TTC21B: variants seen among roughly 807,000 people sequenced by gnomAD.
TTC21B encodes the protein tetratricopeptide repeat domain 21B.
Under a neutral mutation model 175.1 loss-of-function variants are expected in TTC21B, and 127 were observed. That is an observed-to-expected ratio of 0.73 (90% CI 0.63 to 0.84). TTC21B has a LOEUF of 0.84. Ranked by LOEUF, TTC21B falls within the 40% of genes least tolerant of loss-of-function variation. TTC21B has a pLI of 0.00. For missense variants in TTC21B, 1,561 were observed against 1,558.3 expected (o/e 1.00, Z -0.03); for synonymous variants, 524 against 524.5 (o/e 1.00, Z 0.01).
At chr2:165,891,044 G>A in intron 22 of TTC21B, 56 bp from the exon 23 acceptor site, 1 of 1,429,776 alleles carries the variant, frequency 7.0e-7, no homozygotes, top group Non-Finnish European at 9.8e-7. Context: ...TTCTTTTGTT[G>A]GTTATAATTC....
At chr2:165,943,384 A>C (rs759654295) in intron 4 of TTC21B, 43 bp from the exon 5 acceptor site, 1 of 1,435,850 alleles carries the variant, frequency 7.0e-7, no homozygotes. Flanking sequence ...TAGAAATGAG[A>C]GAAATAAATG....
chr2:165,933,704 C>A (rs1436341958), intron 6 of TTC21B, among the ~76,000 whole-genome samples: 1 of 152,146 alleles, frequency 6.6e-6, no homozygotes. Context: ...TTTTTCAACC[C>A]TCCCTGAGTA....
chr2:165,874,724 T>C lies in TTC21B; in HGVS notation c.*31A>G, dbSNP rs748456308. ...TGAAAGTTAGATTTCTTTCATTTCC[T>C]GTTAAACCAACACCTAAGTTAAAAT... On this transcript the variant is annotated 3_prime_UTR_variant, in exon 29 of 29. Coordinates refer to ENST00000243344, the MANE Select transcript of TTC21B (RefSeq NM_024753.5). The C allele has an allele frequency of 5.7e-6, 9 of 1,589,358 alleles. No individual in the cohort carries two copies. The South Asian group carries it at 7.7e-5, about 14-fold the overall frequency.
chr2:165,917,565 G>C (rs1426352354), intron 13 of TTC21B, 84 bp from the exon 14 acceptor site: 1 of 1,092,664 alleles, frequency 9.2e-7, no homozygotes, highest in African/African-American at 1.5e-5. Context: ...AAAATAATGA[G>C]ATCACTGAGA....
intron 12 of TTC21B, among the ~76,000 whole-genome samples, chr2:165,921,824 A>T (rs1457558589): frequency 1.1e-4 from 14 of 132,966 alleles, no homozygotes; most frequent in African/African-American, 1.4e-4. Flanking sequence ...AAATTTTCTT[A>T]ATCTTTTTTT....
chr2:165,935,821 A>C (rs948954620), intron 6 of TTC21B, among the ~76,000 whole-genome samples: 1 of 152,190 alleles, frequency 6.6e-6, no homozygotes, highest in Non-Finnish European at 1.5e-5. Context: ...TCAAGGAAAA[A>C]CCAAATAAAC....
intron 8 of TTC21B, among the ~76,000 whole-genome samples, chr2:165,930,732 G>GGGGT (rs376602791): frequency 2.7e-5 from 3 of 110,920 alleles, no homozygotes; most frequent in African/African-American, 9.2e-5. Context: ...TGGGTATGGG[G>GGGGT]GTGTGTGTGT....
intron 24 of TTC21B, 92 bp from the exon 25 acceptor site, chr2:165,888,566 G>A: frequency 2.0e-6 from 2 of 980,744 alleles, no homozygotes; most frequent in Non-Finnish European, 3.1e-6. Flanking sequence ...AAAGCTCTGG[G>A]CACTCTTTTA....
In TTC21B at chr2:165,891,082, T is replaced by C. The variant is rs568394405; in HGVS notation, c.2951-94A>G. ...CTTCATTAGAGTATAATTTACTTCA[T>C]ATAAAGTACATTTTAAATATAAATA... is the stretch of plus-strand genomic sequence containing the variant. On this transcript the variant is annotated intron_variant, in intron 22 of 28. Coordinates refer to ENST00000243344, the MANE Select transcript of TTC21B (RefSeq NM_024753.5). 272 of 1,090,840 alleles carry C rather than the reference T, an allele frequency of 2.5e-4. No homozygotes were observed. The African/African-American group carries it at 3.4e-3, about 14-fold the overall frequency. 67.6% of individuals were successfully genotyped at this position (1,090,840 alleles called of 1,614,324 possible). A position where few individuals can be genotyped will look rare whatever the true frequency, so the allele number is the denominator to read the frequency against.
Position 165,913,580 on chromosome 2 carries a change from A to C in TTC21B, c.2205T>G (p.Ile735Met). The C allele has an allele frequency of 6.2e-7, 1 of 1,610,650 alleles. No individual in the cohort carries two copies. Among genetic ancestry groups the C allele is most frequent in the Non-Finnish European group, 8.5e-7 (1 of 1,177,248 alleles). The change falls in exon 16 of 29, where the codon ATT becomes ATG. Residue 735 changes from isoleucine (I) to methionine (M), a missense_variant. By Grantham distance (10) the Ile-to-Met change is conservative. Coordinates refer to ENST00000243344, the MANE Select transcript of TTC21B (RefSeq NM_024753.5). ...GTAACATCAGAAATTTTACCTCTAG[A>C]ATATTCATGTATGCATCACCAAGGA... ...FLLLGDAYMN[I>M]LEPEEAIVAY...
At chr2:165,950,416 G>A (rs1438135139) in intron 1 of TTC21B, among the ~76,000 whole-genome samples, 1 of 152,116 alleles carries the variant, frequency 6.6e-6, no homozygotes, top group South Asian at 2.1e-4. Context: ...CTACGATTAT[G>A]TCTAAGGCTT....
chr2:165,902,981 C>T (rs1685617538), intron 19 of TTC21B, among the ~76,000 whole-genome samples: 1 of 152,194 alleles, frequency 6.6e-6, no homozygotes, highest in Non-Finnish European at 1.5e-5. Flanking sequence ...CACAAGTTTC[C>T]AGGCAGCAGC....
intron 7 of TTC21B, among the ~76,000 whole-genome samples, chr2:165,932,664 C>T (rs1355294515): frequency 6.6e-6 from 1 of 151,818 alleles, no homozygotes; most frequent in African/African-American, 2.4e-5. Context: ...CATTACGTAT[C>T]TAGTTACATT....
chr2:165,936,743 A>T (rs1056046452), intron 6 of TTC21B, among the ~76,000 whole-genome samples: 2 of 152,222 alleles, frequency 1.3e-5, no homozygotes, highest in Admixed American at 1.3e-4. Flanking sequence ...AATAACAATG[A>T]GATACCACTA....
intron 1 of TTC21B, 52 bp downstream of exon 1, chr2:165,953,633 A>G (rs1322729339): frequency 7.1e-7 from 1 of 1,405,894 alleles, no homozygotes. Flanking sequence ...AAAGGCCGCA[A>G]AGGAACTCCG....
In TTC21B at chr2:165,927,146, T is replaced by TTA. The variant is rs566900940; in HGVS notation, c.1386+1987_1386+1988dup. Among the ~76,000 whole-genome samples the TTA allele has an allele frequency of 1.2e-4, 6 of 50,324 alleles. 1 individual carries two copies. Among genetic ancestry groups the TTA allele is most frequent in the African/African-American group, 4.3e-4 (6 of 14,042 alleles). 33.0% of individuals were successfully genotyped at this position (50,324 alleles called of 152,430 possible). A position where few individuals can be genotyped will look rare whatever the true frequency, so the allele number is the denominator to read the frequency against. ...TATATATATATATATATCCTAGTAG[T>TTA]TATATATATATATATATCCTAACAG... is the stretch of plus-strand genomic sequence containing the variant. On this transcript the variant is annotated intron_variant, in intron 11 of 28. Coordinates refer to ENST00000243344, the MANE Select transcript of TTC21B (RefSeq NM_024753.5).
intron 7 of TTC21B, 87 bp from the exon 8 acceptor site, chr2:165,931,943 C>T (rs1476132898): frequency 1.2e-6 from 1 of 860,808 alleles, no homozygotes; most frequent in Non-Finnish European, 1.9e-6. Context: ...AAAGCATTAC[C>T]CTACTAGTAT....
intron 21 of TTC21B, 42 bp from the exon 22 acceptor site, chr2:165,898,809 T>C: frequency 1.7e-6 from 2 of 1,186,454 alleles, no homozygotes; most frequent in Non-Finnish European, 2.5e-6. Context: ...TGCCATGTAT[T>C]TTACACAACA....
chr2:165,924,659 G>T lies in TTC21B; in HGVS notation c.1406C>A (p.Pro469His). 1 of 1,613,576 alleles carries T rather than the reference G, an allele frequency of 6.2e-7. No homozygotes were observed. The highest frequency in any genetic ancestry group is 1.3e-5 in the African/African-American group (1 of 74,990). The change falls in exon 12 of 29, where the codon CCT (proline) becomes CAT (histidine). Residue 469 changes from proline to histidine, a missense_variant. Transcript: ENST00000243344. ...GCAACGCCTGAGAAGTGGACAAAGA[G>T]GTTGCCCAGGACTTGCAGGCTAAAC... ...CPMQPASPGQ[P>H]LCPLLRRCIS...
Sources: allele counts gnomAD v4.1 joint callset (sites outside exome capture counted in the v4.1 genomes callset), GRCh38; gene constraint gnomAD v4.1.1; transcripts MANE v1.5; gene names NCBI Gene and HGNC (gene_info 2026-07-23, HGNC 2026-07-21).